MIDEAS: variants seen among roughly 807,000 people sequenced by gnomAD.
MIDEAS encodes the protein mitotic deacetylase-associated SANT domain protein.
Under a neutral mutation model 102.7 loss-of-function variants are expected in MIDEAS, and 26 were observed. The ratio of observed to expected loss-of-function variants is 0.25; its 90% confidence interval spans 0.19 to 0.35. The LOEUF is 0.35. Among genes scored for constraint, MIDEAS ranks in the 10% least tolerant of loss-of-function variants. The probability of loss-of-function intolerance (pLI) is 1.00; values close to 1 mark genes in which losing one functional copy is unlikely to be tolerated. For synonymous variants in MIDEAS, 585 were observed against 591.0 expected, an observed-to-expected ratio of 0.99 and a Z score of 0.15; for missense variants, 1,231 against 1,435.6, an observed-to-expected ratio of 0.86 and a Z score of 2.30.
intron 3 of MIDEAS, among the ~76,000 whole-genome samples, chr14:73,730,957 C>CA (rs1418764255): frequency 2.0e-5 from 3 of 148,568 alleles, no homozygotes; most frequent in Admixed American, 6.7e-5. Flanking sequence ...GATTCCGTCT[C>CA]AAAAAACAAA....
chr14:73,753,095 A>G (rs7145084), intron 1 of MIDEAS, among the ~76,000 whole-genome samples: 7 of 152,340 alleles, frequency 4.6e-5, no homozygotes, highest in Non-Finnish European at 8.8e-5. Flanking sequence ...AGCCCACACT[A>G]AGCTGAAACC....
chr14:73,738,074 G>A (rs1453124718), intron 2 of MIDEAS, among the ~76,000 whole-genome samples: 3 of 152,096 alleles, frequency 2.0e-5, no homozygotes, highest in Non-Finnish European at 4.4e-5. Flanking sequence ...ATAAGCCACT[G>A]CGCCTAGCCT....
upstream of MIDEAS, among the ~76,000 whole-genome samples, chr14:73,762,205 C>T (rs1049767161): frequency 6.6e-6 from 1 of 152,168 alleles, no homozygotes; most frequent in Non-Finnish European, 1.5e-5. Flanking sequence ...TTGTGCAGAC[C>T]AGCCCAGGGA....
At chr14:73,737,804 G>A (rs1317432007) in intron 2 of MIDEAS, among the ~76,000 whole-genome samples, 4 of 142,242 alleles carry the variant, frequency 2.8e-5, no homozygotes, top group East Asian at 2.1e-4. Context: ...TTTGGAGACA[G>A]GGGGTCTCAC....
chr14:73,744,324 T>G (rs1020945006), intron 1 of MIDEAS, among the ~76,000 whole-genome samples: 3 of 152,198 alleles, frequency 2.0e-5, no homozygotes, highest in African/African-American at 7.2e-5. Context: ...CACTCACCAG[T>G]CTGCTTGGGG....
upstream of MIDEAS, among the ~76,000 whole-genome samples, chr14:73,761,653 G>A (rs1041042579): frequency 2.0e-5 from 3 of 152,182 alleles, no homozygotes; most frequent in Admixed American, 6.5e-5. Flanking sequence ...TAAGTGAATA[G>A]AGGAGCTAGG....
chr14:73,730,277 C>A, intron 3 of MIDEAS: 2 of 547,622 alleles, frequency 3.7e-6, no homozygotes, highest in Non-Finnish European at 6.7e-6. Flanking sequence ...TTAAAACTAA[C>A]TGTATAAAAT....
rs746060391 is a variant in MIDEAS, at chr14:73,738,704, C to T, written c.1305G>A (p.Arg435=). 6.2e-7 allele frequency: 1 copy of T among 1,613,696 alleles called. No individual in the cohort carries two copies. The highest frequency in any genetic ancestry group is 8.5e-7 in the Non-Finnish European group (1 of 1,179,846). Reference sequence around the variant, plus strand: ...GCCCACAGTCCCCTGTGCTCACTGCCCTCATGCCCTCCTCGCTGCCCATGG... The same window carrying T: ...GCCCACAGTCCCCTGTGCTCACTGCTCTCATGCCCTCCTCGCTGCCCATGG... ...APAMGSEEGM[R]AVSTGDCGQV... The change falls in exon 2 of 13, where the codon AGG becomes AGA. Residue 435 remains arginine (R), a synonymous_variant. Coordinates refer to ENST00000423556, the MANE Select transcript of MIDEAS (RefSeq NM_001367710.1).
chr14:73,731,160 T>C (rs1480423764), intron 3 of MIDEAS, among the ~76,000 whole-genome samples: 4 of 152,216 alleles, frequency 2.6e-5, no homozygotes, highest in Non-Finnish European at 2.9e-5. Flanking sequence ...AACAGAGGCC[T>C]TCCCTTGCTC....
intron 1 of MIDEAS, among the ~76,000 whole-genome samples, chr14:73,773,534 T>C (rs1161006659): frequency 6.6e-6 from 1 of 151,852 alleles, no homozygotes; most frequent in Non-Finnish European, 1.5e-5. Flanking sequence ...TCCAAGCTGA[T>C]CTTCCAGGGG....
chr14:73,723,143 AT>A (rs557137573), intron 9 of MIDEAS: 18 of 199,762 alleles, frequency 9.0e-5, no homozygotes, highest in East Asian at 2.4e-4. Context: ...GCATTACTGT[AT>A]TTTTTTTTCT....
rs139702995 is a variant in MIDEAS at position 73,726,098 on chromosome 14, T to C, written c.2420A>G (p.Asn807Ser). 5.2e-5 allele frequency: 83 copies of C among 1,592,392 alleles called. No individual in the cohort carries two copies. Among genetic ancestry groups the C allele is most frequent in the Admixed American group, 7.2e-5 (4 of 55,446 alleles). The change falls in exon 8 of 13, where the codon AAT becomes AGT. Residue 807 changes from asparagine to serine, a missense_variant. By Grantham distance (46) the Asn-to-Ser change is conservative. Coordinates refer to ENST00000423556, the MANE Select transcript of MIDEAS (RefSeq NM_001367710.1). ...CAGGGGCTTCTTCAGCAGCAGCTTA[T>C]TCAGCGTTTCCTGGAGGGGAAGTGA... is the stretch of plus-strand genomic sequence containing the variant. ...ESRGDILETL[N>S]KLLLKKPLRP...
At chr14:73,752,662 C>T (rs140987215) in intron 1 of MIDEAS, among the ~76,000 whole-genome samples, 1 of 152,312 alleles carries the variant, frequency 6.6e-6, no homozygotes, top group African/African-American at 2.4e-5. Context: ...AGACAGACGC[C>T]CATTTGACTC....
At chr14:73,749,279 T>C (rs1379680489) in intron 1 of MIDEAS, among the ~76,000 whole-genome samples, 1 of 109,604 alleles carries the variant, frequency 9.1e-6, no homozygotes, top group Admixed American at 9.4e-5. Flanking sequence ...GTGCCTGTAA[T>C]CCCAAAATTT....
At position 73,777,609 on chromosome 14, in the gene MIDEAS, G is replaced by T. The variant is rs369780237; in HGVS notation, c.-248+9493C>A. Among the ~76,000 whole-genome samples, 6 of 152,070 alleles carry T rather than the reference G, an allele frequency of 3.9e-5. No homozygotes were observed. In the East Asian group the frequency reaches 5.8e-4, roughly 15 times the overall value. ...TGTGCCTCCAGGCCTTGTCTGAGCTGCTCCCTGTACCTAGAATGCCCTGAC... is the reference window on the plus strand; with the variant it reads ...TGTGCCTCCAGGCCTTGTCTGAGCTTCTCCCTGTACCTAGAATGCCCTGAC... On this transcript the variant is annotated intron_variant, in intron 1 of 11. Coordinates refer to the MIDEAS transcript ENST00000394071.
intron 1 of MIDEAS, among the ~76,000 whole-genome samples, chr14:73,743,085 C>T (rs769433283): frequency 6.6e-6 from 1 of 152,116 alleles, no homozygotes; most frequent in Non-Finnish European, 1.5e-5. Context: ...GACTGGAACC[C>T]AGATCTGTCT....
Position 73,739,886 on chromosome 14 carries a change from C to T in MIDEAS, c.123G>A (p.Val41=). The T allele has an allele frequency of 6.3e-7, 1 of 1,576,158 alleles. No individual in the cohort carries two copies. The highest frequency in any genetic ancestry group is 1.2e-5 in the South Asian group (1 of 85,550). ...CGTGCCCGAGGTACTGCTCCTCCTT[C>T]ACTCTGATGGACTGCTGGGGGGGCT... ...PLQPPQQSIR[V]KEEQYLGHEG... is the part of the protein sequence containing the mutation. The change falls in exon 2 of 13, where the codon GTG becomes GTA. Residue 41 remains valine (V), a synonymous_variant. Transcript: ENST00000423556.
At chr14:73,777,512 C>G (rs2053702431) in intron 1 of MIDEAS, among the ~76,000 whole-genome samples, 2 of 152,024 alleles carry the variant, frequency 1.3e-5, no homozygotes, top group Non-Finnish European at 2.9e-5. Context: ...CCTGCCTGCC[C>G]CTTTCTGCAC....
chr14:73,749,574 T>C lies in MIDEAS; in HGVS notation c.-247-9319A>G, dbSNP rs1041396200. On this transcript the variant is annotated intron_variant, in intron 1 of 12. Coordinates refer to ENST00000423556, the MANE Select transcript of MIDEAS (RefSeq NM_001367710.1). ...AATACATACTTTTTTATATATTATA[T>C]AATATAATATATATATAAAATATAT... 2.0e-5 allele frequency among the ~76,000 whole-genome samples: 3 copies of C among 147,394 alleles called. No individual in the cohort carries two copies. In the Admixed American group the frequency reaches 2.0e-4, roughly 10 times the overall value.
Sources: allele counts gnomAD v4.1 joint callset (sites outside exome capture counted in the v4.1 genomes callset), GRCh38; gene constraint gnomAD v4.1.1; transcripts MANE v1.5; gene names NCBI Gene and HGNC (gene_info 2026-07-23, HGNC 2026-07-21).